PACS1: variants seen among roughly 807,000 people sequenced by gnomAD.
The protein encoded by PACS1 is phosphofurin acidic cluster sorting protein 1.
Under a neutral mutation model 115.0 loss-of-function variants are expected in PACS1, and 24 were observed. That is an observed-to-expected ratio of 0.21 (90% CI 0.15 to 0.29). PACS1 has a LOEUF of 0.29. PACS1 is among the 10% of genes least tolerant of loss of function. PACS1 has a pLI of 1.00. For synonymous variants in PACS1, 453 were observed against 504.5 expected (o/e 0.90, Z 1.37); for missense variants, 838 against 1,251.2 (o/e 0.67, Z 4.98).
At chr11:66,103,115 G>A (rs1265608806) in intron 1 of PACS1, among the ~76,000 whole-genome samples, 1 of 152,208 alleles carries the variant, frequency 6.6e-6, no homozygotes, top group East Asian at 1.9e-4. Context: ...ACAGGCATGA[G>A]CCACCAAGCC....
intron 1 of PACS1, among the ~76,000 whole-genome samples, chr11:66,168,014 G>A (rs1356941649): frequency 6.7e-6 from 1 of 150,292 alleles, no homozygotes; most frequent in Non-Finnish European, 1.5e-5. Context: ...GACTCAAGCA[G>A]TCTTCCCACC....
At chr11:66,161,514 A>C (rs1021453308) in intron 1 of PACS1, among the ~76,000 whole-genome samples, 7 of 152,194 alleles carry the variant, frequency 4.6e-5, no homozygotes, top group Admixed American at 3.9e-4. Context: ...TGGAGAAAGG[A>C]AACTGAAGTA....
chr11:66,119,321 T>C (rs997497751), intron 1 of PACS1, among the ~76,000 whole-genome samples: 1 of 152,232 alleles, frequency 6.6e-6, no homozygotes, highest in African/African-American at 2.4e-5. Context: ...TAAACCTCAC[T>C]GGAACACAGC....
At chr11:66,098,862 A>G (rs1857845484) in intron 1 of PACS1, among the ~76,000 whole-genome samples, 1 of 152,088 alleles carries the variant, frequency 6.6e-6, no homozygotes, top group Non-Finnish European at 1.5e-5. Flanking sequence ...TTCTTGGCAA[A>G]AGTATCACAA....
At chr11:66,232,820 G>A (rs554075048) in intron 14 of PACS1, 140 bp from the exon 15 acceptor site, 68 of 669,236 alleles carry the variant, frequency 1.0e-4, no homozygotes, top group South Asian at 8.4e-4. Context: ...CGGAGACCTG[G>A]CTGCCTTTGC....
At chr11:66,227,889 A>G (rs2134730101) in intron 11 of PACS1, among the ~76,000 whole-genome samples, 1 of 152,272 alleles carries the variant, frequency 6.6e-6, no homozygotes, top group South Asian at 2.1e-4. Flanking sequence ...TCTCCCTGGA[A>G]AATCATCCCT....
At chr11:66,124,868 G>T (rs759937639) in intron 1 of PACS1, among the ~76,000 whole-genome samples, 5 of 152,190 alleles carry the variant, frequency 3.3e-5, no homozygotes, top group Non-Finnish European at 7.3e-5. Flanking sequence ...AAGGCATCAA[G>T]GAGCCAAGTT....
At chr11:66,171,955 G>A (rs2134640545) in intron 1 of PACS1, among the ~76,000 whole-genome samples, 1 of 152,170 alleles carries the variant, frequency 6.6e-6, no homozygotes, top group South Asian at 2.1e-4. Context: ...CTCAAGCTTT[G>A]AATGTGAATA....
chr11:66,078,752 C>T (rs1280620563), intron 1 of PACS1, among the ~76,000 whole-genome samples: 1 of 152,206 alleles, frequency 6.6e-6, no homozygotes, highest in African/African-American at 2.4e-5. Context: ...CAAGGTCCCA[C>T]TATGCTGCCC....
intron 22 of PACS1, among the ~76,000 whole-genome samples, chr11:66,242,255 C>T (rs1377305439): frequency 2.0e-5 from 3 of 152,192 alleles, no homozygotes; most frequent in South Asian, 2.1e-4. Context: ...GCTGGGGACC[C>T]GCAACTGGTA....
At chr11:66,096,179 A>G (rs964715743) in intron 1 of PACS1, among the ~76,000 whole-genome samples, 1 of 146,214 alleles carries the variant, frequency 6.8e-6, no homozygotes, top group Non-Finnish European at 1.5e-5. Context: ...GTGAGCCACC[A>G]TGCCTGGTTT....
rs1855488621 is a variant in PACS1 at position 66,227,379 on chromosome 11, G to A, written c.1294-125G>A. ...CCTCCCCGGCCCACATAAGAAAAAA[G>A]CCCTGAAGATTTTATGAGGTTTGAG... On this transcript the variant is annotated intron_variant, in intron 10 of 23. Coordinates refer to ENST00000320580, the MANE Select transcript of PACS1 (RefSeq NM_018026.4). 10 of 629,882 alleles carry A rather than the reference G, an allele frequency of 1.6e-5. No homozygotes were observed. The South Asian group carries it at 1.7e-4, about 11-fold the overall frequency. The allele number at this position is 629,882 out of a possible 1,614,324, so 39.0% of individuals were successfully genotyped here. A position where few individuals can be genotyped will look rare whatever the true frequency, so the allele number is the denominator to read the frequency against.
chr11:66,121,063 G>A (rs746543336), intron 1 of PACS1: 12 of 456,100 alleles, frequency 2.6e-5, no homozygotes, highest in Admixed American at 1.9e-4. Flanking sequence ...GCAACCCTAC[G>A]TTGAGTAAGT....
chr11:66,155,295 T>C (rs989263439), intron 1 of PACS1, among the ~76,000 whole-genome samples: 1 of 152,186 alleles, frequency 6.6e-6, no homozygotes, highest in Non-Finnish European at 1.5e-5. Flanking sequence ...TTTATCAAAA[T>C]TGAAATGTGC....
At chr11:66,150,284 TAACAAAACCAA>T (rs886530466) in intron 1 of PACS1, among the ~76,000 whole-genome samples, 20 of 152,220 alleles carry the variant, frequency 1.3e-4, no homozygotes, top group Admixed American at 8.5e-4. Flanking sequence ...CCATTGAGAC[TAACAAAACCAA>T]AACAAAACCG....
At chr11:66,227,633 C>A in intron 11 of PACS1, 49 bp downstream of exon 11, 2 of 1,249,534 alleles carry the variant, frequency 1.6e-6, no homozygotes, top group Non-Finnish European at 2.3e-6. Flanking sequence ...TAGTGTTTGT[C>A]CCTTTAGAAA....
chr11:66,198,392 G>T (rs1854695726), intron 2 of PACS1, among the ~76,000 whole-genome samples: 1 of 152,182 alleles, frequency 6.6e-6, no homozygotes, highest in South Asian at 2.1e-4. Flanking sequence ...ATAAAATGTG[G>T]TCTAGTCATA....
intron 1 of PACS1, among the ~76,000 whole-genome samples, chr11:66,176,657 G>A (rs879941707): frequency 1.3e-5 from 2 of 151,982 alleles, no homozygotes; most frequent in Non-Finnish European, 2.9e-5. Flanking sequence ...CAAGTGATCC[G>A]CCTGCCTCCG....
At chr11:66,210,841 T>TAATTG (rs1197832481) in intron 3 of PACS1, among the ~76,000 whole-genome samples, 4 of 152,222 alleles carry the variant, frequency 2.6e-5, no homozygotes, top group Non-Finnish European at 5.9e-5. Context: ...CCTCTCATCG[T>TAATTG]AATTCCAGTA....
Sources: gnomAD v4.1 joint callset for allele counts (sites outside exome capture counted in the v4.1 genomes callset) on GRCh38, gnomAD v4.1.1 for gene constraint, MANE v1.5 for transcripts, NCBI Gene and HGNC (gene_info 2026-07-23, HGNC 2026-07-21) for gene names.